Variants in ARPC3 observed in about 807,000 individuals in gnomAD.
ARPC3 encodes the protein actin-related protein 2/3 complex subunit 3.
A neutral mutation model predicts 27.6 loss-of-function variants in ARPC3; 12 were observed. That is an observed-to-expected ratio of 0.43 (90% CI 0.28 to 0.70). The LOEUF (loss-of-function observed/expected upper bound fraction) is 0.70. ARPC3 is among the 30% of genes least tolerant of loss of function. The pLI is 0.17. For missense variants in ARPC3, 153 were observed against 207.7 expected, an observed-to-expected ratio of 0.74 and a Z score of 1.62; for synonymous variants, 53 against 67.2, an observed-to-expected ratio of 0.79 and a Z score of 1.03.
At chr12:110,442,384 G>C (rs1592953325) in intron 2 of ARPC3, among the ~76,000 whole-genome samples, 1 of 152,120 alleles carries the variant, frequency 6.6e-6, no homozygotes, top group African/African-American at 2.4e-5. Flanking sequence ...GAGGCGGATG[G>C]ATTGCCTGAG....
At chr12:110,441,718 A>G (rs1468972419) in intron 2 of ARPC3, among the ~76,000 whole-genome samples, 1 of 151,996 alleles carries the variant, frequency 6.6e-6, no homozygotes, top group African/African-American at 2.4e-5. Context: ...TAAAAATTAA[A>G]TAAAATTTTT....
In ARPC3 at chr12:110,445,544, T is replaced by G. The variant is rs150402076; in HGVS notation, c.14A>C (p.His5Pro). 6.2e-7 allele frequency: 1 copy of G among 1,610,126 alleles called. No individual in the cohort carries two copies. Among genetic ancestry groups the G allele is most frequent in the Non-Finnish European group, 8.5e-7 (1 of 1,176,774 alleles). Residue 5 changes from histidine to proline, a missense_variant, in exon 2 of 7, where the codon CAC becomes CCC. Physicochemically the swap from His to Pro is moderately conservative, Grantham distance 77. Coordinates refer to ENST00000228825, the MANE Select transcript of ARPC3 (RefSeq NM_001278556.2). ...GGTATCAGGATCCATGAGAGAAGAG[T>G]GGTAAGCCTGTAATGGCAAGCCCAG... is the stretch of plus-strand genomic sequence containing the variant. MPAY[H>P]SSLMDPDTKL... is the part of the protein sequence containing the mutation.
Position 110,444,989 on chromosome 12 carries a change from G to A in ARPC3, c.106+463C>T, listed in dbSNP as rs550550941. On this transcript the variant is annotated intron_variant, in intron 2 of 6. Coordinates refer to ENST00000228825, the MANE Select transcript of ARPC3 (RefSeq NM_001278556.2). Reference sequence around the variant, plus strand: ...AAAATTCAGAAAAGCGGGAATAGACGTAAGTAATGTTACATAGTACACTTC... The same window carrying A: ...AAAATTCAGAAAAGCGGGAATAGACATAAGTAATGTTACATAGTACACTTC... 7 of 175,974 alleles carry A rather than the reference G, an allele frequency of 4.0e-5. No individual in the cohort carries two copies. The East Asian group carries it at 1.1e-3, about 28-fold the overall frequency. The allele number at this position is 175,974 out of a possible 1,614,324, so 10.9% of individuals were successfully genotyped here.
intron 3 of ARPC3, among the ~76,000 whole-genome samples, chr12:110,439,612 C>T (rs1238001095): frequency 3.9e-5 from 6 of 152,134 alleles, no homozygotes; most frequent in Non-Finnish European, 8.8e-5. Context: ...GTGAGCGGAT[C>T]ATGAGGTCAG....
intron 2 of ARPC3, chr12:110,444,878 T>C (rs1031869304): frequency 6.3e-6 from 1 of 158,390 alleles, no homozygotes; most frequent in African/African-American, 2.4e-5. Context: ...TCTAACATAA[T>C]ACAAATTATA....
chr12:110,441,255 C>A (rs1192143260), intron 2 of ARPC3, among the ~76,000 whole-genome samples: 4 of 152,006 alleles, frequency 2.6e-5, no homozygotes, highest in Non-Finnish European at 5.9e-5. Context: ...GCCTCAGCCT[C>A]CCAAGTAGCT....
chr12:110,436,303 A>G (rs2062403532), intron 5 of ARPC3, 99 bp from the exon 6 acceptor site: 2 of 1,125,680 alleles, frequency 1.8e-6, no homozygotes, highest in South Asian at 1.3e-5. Flanking sequence ...ATTTTTATAC[A>G]TTTGAACAGG....
At chr12:110,436,393 T>C in intron 5 of ARPC3, 164 bp downstream of exon 5, 2 of 1,306,362 alleles carry the variant, frequency 1.5e-6, no homozygotes, top group Non-Finnish European at 2.1e-6. Flanking sequence ...ATGTCATCCT[T>C]GTTGCCAAGA....
At chr12:110,445,353 G>A in intron 2 of ARPC3, 99 bp downstream of exon 2, 6 of 939,808 alleles carry the variant, frequency 6.4e-6, no homozygotes, top group South Asian at 1.3e-5. Context: ...AGGGCAATTT[G>A]AGAGAGAAGA....
intron 2 of ARPC3, among the ~76,000 whole-genome samples, chr12:110,441,426 C>T (rs537338765): frequency 1.2e-4 from 18 of 152,096 alleles, no homozygotes; most frequent in Non-Finnish European, 2.5e-4. Context: ...CCACCACCCC[C>T]GGATTTTCAG....
At chr12:110,448,652 C>CAAAA (rs34460720) in intron 1 of ARPC3, among the ~76,000 whole-genome samples, 1 of 115,190 alleles carries the variant, frequency 8.7e-6, no homozygotes. Flanking sequence ...CACCCTGTCT[C>CAAAA]AAAAAAAAAA....
At chr12:110,438,069 G>A (rs934878725) in intron 3 of ARPC3, among the ~76,000 whole-genome samples, 1 of 152,066 alleles carries the variant, frequency 6.6e-6, no homozygotes, top group Non-Finnish European at 1.5e-5. Context: ...GTTGAGGTGG[G>A]TGGATTGCTT....
intron 2 of ARPC3, among the ~76,000 whole-genome samples, chr12:110,444,181 C>G (rs6606685): frequency 0.19 from 29,407 of 151,868 alleles, 3,996 homozygotes; most frequent in African/African-American, 0.39. Flanking sequence ...ATGTTGGTTA[C>G]GCTGGTCTTG....
rs989384663 is a variant in ARPC3, at chr12:110,436,406, C to T, written c.379+151G>A. 5.1e-6 allele frequency: 7 copies of T among 1,375,498 alleles called. No homozygotes were observed. The Admixed American group carries it at 7.6e-5, about 15-fold the overall frequency. 85.2% of individuals were successfully genotyped at this position (1,375,498 alleles called of 1,614,324 possible). ...GCATGTCATCCTTGTTGCCAAGAAT[C>T]GTTTGTGAGAGTGACTAATAAGATA... On this transcript the variant is annotated intron_variant, in intron 5 of 6. Coordinates refer to ENST00000228825, the MANE Select transcript of ARPC3 (RefSeq NM_001278556.2).
At chr12:110,437,792 AT>A (rs1167383704) in intron 3 of ARPC3, among the ~76,000 whole-genome samples, 1 of 152,130 alleles carries the variant, frequency 6.6e-6, no homozygotes, top group Non-Finnish European at 1.5e-5. Context: ...GAACTGCTCC[AT>A]ATGGTTGGCT....
At chr12:110,436,256 T>C in intron 5 of ARPC3, 52 bp from the exon 6 acceptor site, 2 of 1,423,978 alleles carry the variant, frequency 1.4e-6, no homozygotes, top group Non-Finnish European at 2.0e-6. Context: ...ATCCCAAATG[T>C]ACTGGTTGCA....
chr12:110,443,340 G>A (rs1468343639), intron 2 of ARPC3, among the ~76,000 whole-genome samples: 2 of 151,992 alleles, frequency 1.3e-5, no homozygotes, highest in Non-Finnish European at 2.9e-5. Context: ...GGATGGTCTC[G>A]ATCTCCTGAC....
chr12:110,437,614 C>A (rs2062413595), intron 3 of ARPC3, among the ~76,000 whole-genome samples: 2 of 152,036 alleles, frequency 1.3e-5, no homozygotes, highest in South Asian at 4.2e-4. Flanking sequence ...GTGATCTGTC[C>A]ACCTCAGCCT....
chr12:110,441,030 AG>A lies in ARPC3; in HGVS notation c.107-643del, dbSNP rs1217949316. On this transcript the variant is annotated intron_variant, in intron 2 of 6. Coordinates refer to ENST00000228825, the MANE Select transcript of ARPC3 (RefSeq NM_001278556.2). ...GCTATATTTTTTGTATTTTTAGTAA[AG>A]ACGGGGTTTCACCGTGTTAGCCAGG... Among the ~76,000 whole-genome samples, 7 of 147,200 alleles carry A rather than the reference AG, an allele frequency of 4.8e-5. No individual in the cohort carries two copies. In the East Asian group the frequency reaches 1.4e-3, roughly 29 times the overall value.
Sources: gnomAD v4.1 joint callset for allele counts (sites outside exome capture counted in the v4.1 genomes callset) on GRCh38, gnomAD v4.1.1 for gene constraint, MANE v1.5 for transcripts, NCBI Gene and HGNC (gene_info 2026-07-23, HGNC 2026-07-21) for gene names.